The following GRM7 variants were observed in gnomAD, a reference collection of about 807,000 sequenced individuals.
GRM7 encodes the protein glutamate metabotropic receptor 7.
GRM7 carries 35 observed loss-of-function variants against 84.5 expected under a neutral mutation model. That is an observed-to-expected ratio of 0.41 (90% CI 0.32 to 0.55). The LOEUF (loss-of-function observed/expected upper bound fraction) is 0.55. Among genes scored for constraint, GRM7 ranks in the 20% least tolerant of loss-of-function variants. The probability of loss-of-function intolerance (pLI) is 0.19; values close to 1 mark genes in which losing one functional copy is unlikely to be tolerated. For synonymous variants in GRM7, 487 were observed against 455.1 expected (o/e 1.07, Z -0.89); for missense variants, 1,003 against 1,194.6 (o/e 0.84, Z 2.36).
intron 8 of GRM7, among the ~76,000 whole-genome samples, chr3:7,610,849 C>T (rs900971271): frequency 6.6e-6 from 1 of 152,182 alleles, no homozygotes; most frequent in Non-Finnish European, 1.5e-5. Context: ...AAACTACAAC[C>T]AACAGGATGT....
chr3:6,999,201 C>T (rs1694928624), intron 1 of GRM7, among the ~76,000 whole-genome samples: 1 of 152,154 alleles, frequency 6.6e-6, no homozygotes, highest in Non-Finnish European at 1.5e-5. Context: ...GAAAATGCTG[C>T]CAGTTTCTTT....
chr3:7,153,133 ATTTTTTTTTTT>A (rs34465661), intron 2 of GRM7, among the ~76,000 whole-genome samples: 12 of 103,386 alleles, frequency 1.2e-4, no homozygotes, highest in Non-Finnish European at 7.6e-5. Flanking sequence ...GGTACTGTGG[ATTTTTTTTTTT>A]TTTTTTTTTT....
Position 7,167,891 on chromosome 3 carries a change from C to T in GRM7, c.736+21223C>T, listed in dbSNP as rs1259095804. The stretch of plus-strand genomic sequence containing the variant: ...GGCTGAAGCAGGAGAATGGCGTGAA[C>T]CCGGGAGGTGGAGCTTGCAGTGAGC... On this transcript the variant is annotated intron_variant, in intron 2 of 9. Coordinates refer to ENST00000357716, the MANE Select transcript of GRM7 (RefSeq NM_000844.4). Among the ~76,000 whole-genome samples the T allele has an allele frequency of 6.6e-5, 9 of 136,296 alleles. No homozygotes were observed. The South Asian group carries it at 1.2e-3, about 18-fold the overall frequency. The allele number at this position is 136,296 out of a possible 152,430, so 89.4% of individuals were successfully genotyped here.
chr3:7,599,677 C>T (rs971482099), intron 8 of GRM7, among the ~76,000 whole-genome samples: 14 of 151,982 alleles, frequency 9.2e-5, no homozygotes, highest in Admixed American at 7.2e-4. Flanking sequence ...AGCTTTATTA[C>T]GGAGGGGGGA....
intron 4 of GRM7, among the ~76,000 whole-genome samples, chr3:7,386,990 G>T (rs1268269848): frequency 6.6e-6 from 1 of 151,894 alleles, no homozygotes; most frequent in African/African-American, 2.4e-5. Flanking sequence ...ATTTCATTGT[G>T]GTTTTTATTT....
intron 4 of GRM7, among the ~76,000 whole-genome samples, chr3:7,407,303 A>T (rs1369436571): frequency 6.6e-6 from 1 of 152,058 alleles, no homozygotes; most frequent in African/African-American, 2.4e-5. Flanking sequence ...CTCCTAAATC[A>T]TCCTCTAGAG....
At chr3:7,030,551 A>G (rs17046633) in intron 1 of GRM7, among the ~76,000 whole-genome samples, 4,774 of 152,292 alleles carry the variant, frequency 0.031, 269 homozygotes, top group African/African-American at 0.11. Context: ...AACAATATCT[A>G]TATGTATAGG....
intron 1 of GRM7, among the ~76,000 whole-genome samples, chr3:6,924,762 G>A (rs1026169246): frequency 4.6e-5 from 7 of 152,162 alleles, no homozygotes; most frequent in African/African-American, 1.7e-4. Flanking sequence ...GAGTATGTTA[G>A]CATTAAAAGC....
chr3:7,557,761 A>C (rs1693842136), intron 7 of GRM7, among the ~76,000 whole-genome samples: 1 of 152,192 alleles, frequency 6.6e-6, no homozygotes, highest in African/African-American at 2.4e-5. Context: ...AAAATTATTA[A>C]AAATAAATTC....
intron 5 of GRM7, among the ~76,000 whole-genome samples, chr3:7,415,417 T>C (rs1696121301): frequency 1.3e-5 from 2 of 152,278 alleles, no homozygotes; most frequent in South Asian, 4.1e-4. Flanking sequence ...AGGGGTCATG[T>C]TGCTTTGAAT....
chr3:7,274,869 C>T (rs1459459016), intron 2 of GRM7, among the ~76,000 whole-genome samples: 1 of 151,926 alleles, frequency 6.6e-6, no homozygotes, highest in African/African-American at 2.4e-5. Flanking sequence ...TATATTGTTT[C>T]AAATATTTCT....
In GRM7 at chr3:7,184,425, A is replaced by G. The variant is rs116333303; in HGVS notation, c.736+37757A>G. Among the ~76,000 whole-genome samples, 1,071 of 152,212 alleles carry G rather than the reference A, an allele frequency of 7.0e-3. 14 individuals are homozygous for G. The highest frequency in any genetic ancestry group is 0.025 in the African/African-American group (1,022 of 41,538). Reference sequence around the variant, plus strand: ...AATAAATATGTTAAAATTGTTCCATATATATGAGACAAATATATACAAAAA... The same window carrying G: ...AATAAATATGTTAAAATTGTTCCATGTATATGAGACAAATATATACAAAAA... On this transcript the variant is annotated intron_variant, in intron 2 of 9. Coordinates refer to ENST00000357716, the MANE Select transcript of GRM7 (RefSeq NM_000844.4).
chr3:7,204,299 C>T (rs376603241), intron 2 of GRM7, among the ~76,000 whole-genome samples: 189 of 152,278 alleles, frequency 1.2e-3, no homozygotes, highest in African/African-American at 4.3e-3. Context: ...CAGTGGTTCT[C>T]TCTTAGGAAC....
At chr3:7,112,544 T>G (rs1692894977) in intron 1 of GRM7, among the ~76,000 whole-genome samples, 1 of 152,104 alleles carries the variant, frequency 6.6e-6, no homozygotes, top group Admixed American at 6.6e-5. Context: ...TAAAATGCAT[T>G]TGCTTCACAT....
intron 2 of GRM7, among the ~76,000 whole-genome samples, chr3:7,213,236 C>T (rs1041790918): frequency 1.3e-5 from 2 of 152,166 alleles, no homozygotes; most frequent in Non-Finnish European, 2.9e-5. Context: ...ATTGTTTTAT[C>T]ATCTTGATAT....
At chr3:7,375,964 A>G (rs954044968) in intron 4 of GRM7, among the ~76,000 whole-genome samples, 2 of 152,138 alleles carry the variant, frequency 1.3e-5, no homozygotes, top group African/African-American at 4.8e-5. Flanking sequence ...AGGAAAGCAT[A>G]TATTTCACTT....
intron 1 of GRM7, among the ~76,000 whole-genome samples, chr3:7,016,153 T>G (rs1695559056): frequency 6.6e-6 from 1 of 152,226 alleles, no homozygotes. Flanking sequence ...CTAGTTCTAT[T>G]GTTAGCTGAA....
At chr3:6,917,927 T>C (rs1028073767) in intron 1 of GRM7, among the ~76,000 whole-genome samples, 4 of 152,194 alleles carry the variant, frequency 2.6e-5, no homozygotes, top group African/African-American at 9.6e-5. Flanking sequence ...CAATTTGGAA[T>C]TATTATTGCA....
intron 1 of GRM7, among the ~76,000 whole-genome samples, chr3:6,968,753 A>G (rs1427776398): frequency 6.6e-6 from 1 of 152,124 alleles, no homozygotes; most frequent in Non-Finnish European, 1.5e-5. Context: ...GTAGAAGCTG[A>G]CTCAAGACAG....
Sources: allele counts gnomAD v4.1 joint callset (sites outside exome capture counted in the v4.1 genomes callset), GRCh38; gene constraint gnomAD v4.1.1; transcripts MANE v1.5; gene names NCBI Gene and HGNC (gene_info 2026-07-23, HGNC 2026-07-21).